The following NCOA1 variants were observed in gnomAD, a reference collection of about 807,000 sequenced individuals.
NCOA1 encodes the protein Hin-2 protein.
In NCOA1, 35 loss-of-function variants were observed where a neutral mutation model predicts 150.9. That is an observed-to-expected ratio of 0.23 (90% confidence interval 0.18 to 0.31). The LOEUF is 0.31. NCOA1 is among the 10% of genes least tolerant of loss of function. NCOA1 has a pLI of 1.00. For missense variants in NCOA1, 1,491 were observed against 1,749.3 expected, an observed-to-expected ratio of 0.85 and a Z score of 2.63; for synonymous variants, 590 against 630.0, an observed-to-expected ratio of 0.94 and a Z score of 0.95.
intron 1 of NCOA1, among the ~76,000 whole-genome samples, chr2:24,503,900 A>G (rs1335428148): frequency 6.6e-6 from 1 of 151,912 alleles, no homozygotes; most frequent in East Asian, 1.9e-4. Context: ...ACACACAGCT[A>G]GTTTTTGTGT....
At chr2:24,497,748 A>G (rs997637731) in intron 1 of NCOA1, among the ~76,000 whole-genome samples, 2 of 151,872 alleles carry the variant, frequency 1.3e-5, no homozygotes, top group East Asian at 3.8e-4. Context: ...TGGTGCTTCT[A>G]TCCAGGTAAG....
chr2:24,714,848 T>C (rs1258461978), intron 14 of NCOA1, among the ~76,000 whole-genome samples: 1 of 151,754 alleles, frequency 6.6e-6, no homozygotes, highest in Non-Finnish European at 1.5e-5. Context: ...GTTTAATGAA[T>C]CCCAAGCAAA....
intron 17 of NCOA1, among the ~76,000 whole-genome samples, chr2:24,733,385 A>G (rs1191957459): frequency 6.6e-6 from 1 of 152,248 alleles, no homozygotes; most frequent in Non-Finnish European, 1.5e-5. Context: ...TTGAAATACA[A>G]AAAAAGCAAA....
intron 3 of NCOA1, among the ~76,000 whole-genome samples, chr2:24,623,785 C>A (rs1669280386): frequency 6.6e-6 from 1 of 152,194 alleles, no homozygotes; most frequent in South Asian, 2.1e-4. Context: ...TGCCTGTGCA[C>A]TCCTGGTGTC....
intron 1 of NCOA1, among the ~76,000 whole-genome samples, chr2:24,524,457 C>T (rs1368368827): frequency 6.6e-6 from 1 of 152,016 alleles, no homozygotes; most frequent in African/African-American, 2.4e-5. Context: ...CCATGCCTGG[C>T]TGCCTTTTAA....
chr2:24,537,545 A>G (rs1665211464), intron 1 of NCOA1, among the ~76,000 whole-genome samples: 2 of 151,856 alleles, frequency 1.3e-5, no homozygotes, highest in African/African-American at 4.8e-5. Flanking sequence ...AGAGATAGAG[A>G]ATGAAACTGG....
At chr2:24,631,366 G>A (rs780795540) in intron 3 of NCOA1, among the ~76,000 whole-genome samples, 17 of 152,232 alleles carry the variant, frequency 1.1e-4, no homozygotes, top group Non-Finnish European at 2.2e-4. Context: ...AAGAAGATAA[G>A]TTAAAGCCAC....
chr2:24,678,868 GA>G (rs1672036699), intron 7 of NCOA1, among the ~76,000 whole-genome samples: 1 of 152,210 alleles, frequency 6.6e-6, no homozygotes, highest in South Asian at 2.1e-4. Context: ...TTGCTGTGCA[GA>G]AGCTCTTGAG....
At chr2:24,619,631 T>C (rs1011670046) in intron 3 of NCOA1, among the ~76,000 whole-genome samples, 2 of 152,168 alleles carry the variant, frequency 1.3e-5, no homozygotes, top group African/African-American at 2.4e-5. Context: ...TGGAGAAATA[T>C]GTTGTTTTTC....
chr2:24,500,937 TTA>T (rs1444270093), intron 1 of NCOA1, among the ~76,000 whole-genome samples: 2 of 152,314 alleles, frequency 1.3e-5, no homozygotes, highest in East Asian at 1.9e-4. Context: ...TTGTTGAAAA[TTA>T]TATGTGTTAA....
intron 11 of NCOA1, among the ~76,000 whole-genome samples, chr2:24,702,409 C>G (rs1673208227): frequency 6.6e-6 from 1 of 152,252 alleles, no homozygotes; most frequent in Admixed American, 6.5e-5. Flanking sequence ...CCATAGTACC[C>G]TGCCACACAT....
chr2:24,732,496 G>A lies in NCOA1; in HGVS notation c.3201+2681G>A, dbSNP rs565616334. Among the ~76,000 whole-genome samples the A allele has an allele frequency of 2.6e-5, 4 of 152,258 alleles. No individual in the cohort carries two copies. The South Asian group carries it at 6.2e-4, about 24-fold the overall frequency. ...TACTGTTTCAGCACTAGGTCGCTCA[G>A]CTTCACTTGCACTGCAAGTACTAGG... On this transcript the variant is annotated intron_variant, in intron 17 of 22. Coordinates refer to ENST00000348332, the MANE Select transcript of NCOA1 (RefSeq NM_003743.5).
chr2:24,534,195 T>C (rs1162828912), intron 1 of NCOA1, among the ~76,000 whole-genome samples: 1 of 152,220 alleles, frequency 6.6e-6, no homozygotes, highest in Non-Finnish European at 1.5e-5. Flanking sequence ...TCCAGGAATT[T>C]ATCCATTTCT....
At chr2:24,675,193 T>C (rs1275756883) in intron 7 of NCOA1, among the ~76,000 whole-genome samples, 4 of 152,244 alleles carry the variant, frequency 2.6e-5, no homozygotes, top group Non-Finnish European at 1.5e-5. Flanking sequence ...TATACACATA[T>C]ATGTGAATTA....
At chr2:24,597,213 T>C (rs1252359802) in intron 3 of NCOA1, among the ~76,000 whole-genome samples, 2 of 152,198 alleles carry the variant, frequency 1.3e-5, no homozygotes, top group Non-Finnish European at 2.9e-5. Flanking sequence ...TCATAACCTA[T>C]AACCTTATGA....
At chr2:24,723,086 C>T (rs974562091) in intron 14 of NCOA1, among the ~76,000 whole-genome samples, 16 of 151,022 alleles carry the variant, frequency 1.1e-4, no homozygotes, top group Admixed American at 2.0e-4. Flanking sequence ...CACGGTTCAA[C>T]ATTCAAAAAA....
chr2:24,743,459 A>T (rs1008021470), intron 19 of NCOA1, among the ~76,000 whole-genome samples: 2 of 152,228 alleles, frequency 1.3e-5, no homozygotes, highest in Non-Finnish European at 2.9e-5. Flanking sequence ...ATGCCACATC[A>T]GTTTCTTTGT....
At chr2:24,692,991 G>A (rs1672737351) in intron 9 of NCOA1, among the ~76,000 whole-genome samples, 1 of 152,172 alleles carries the variant, frequency 6.6e-6, no homozygotes, top group Non-Finnish European at 1.5e-5. Context: ...CTCCCGAGTA[G>A]CGGGGACTGC....
intron 14 of NCOA1, among the ~76,000 whole-genome samples, chr2:24,724,234 G>A (rs1558316478): frequency 6.6e-6 from 1 of 152,054 alleles, no homozygotes. Flanking sequence ...CTTGTTTTCT[G>A]CCCCTACTTC....
Sources: allele counts gnomAD v4.1 joint callset (sites outside exome capture counted in the v4.1 genomes callset), GRCh38; gene constraint gnomAD v4.1.1; transcripts MANE v1.5; gene names NCBI Gene and HGNC (gene_info 2026-07-23, HGNC 2026-07-21).